DLG2: variants seen among roughly 807,000 people sequenced by gnomAD.
The protein encoded by DLG2 is discs large MAGUK scaffold protein 2.
Under a neutral mutation model 132.5 loss-of-function variants are expected in DLG2, and 45 were observed. That is an observed-to-expected ratio of 0.34 (90% confidence interval 0.27 to 0.44). The LOEUF is 0.44. Among genes scored for constraint, DLG2 ranks in the 20% least tolerant of loss-of-function variants. DLG2 has a pLI of 1.00. For synonymous variants in DLG2, 424 were observed against 419.6 expected (o/e 1.01, Z -0.13); for missense variants, 1,045 against 1,196.9 (o/e 0.87, Z 1.87).
chr11:85,408,600 T>C (rs1003313731), intron 3 of DLG2, among the ~76,000 whole-genome samples: 2 of 138,494 alleles, frequency 1.4e-5, no homozygotes, highest in Admixed American at 8.2e-5. Context: ...CCTGTGTCCA[T>C]GTGTTCTCAT....
intron 9 of DLG2, among the ~76,000 whole-genome samples, chr11:84,121,411 T>G (rs1337179991): frequency 6.6e-6 from 1 of 152,196 alleles, no homozygotes. Context: ...ACTTAAGCAA[T>G]GGGTCCACAT....
intron 4 of DLG2, among the ~76,000 whole-genome samples, chr11:85,238,941 C>T (rs2075739484): frequency 6.6e-6 from 1 of 151,908 alleles, no homozygotes; most frequent in Non-Finnish European, 1.5e-5. Flanking sequence ...AACAACTCAA[C>T]TTTTCTTTAT....
intron 10 of DLG2, among the ~76,000 whole-genome samples, chr11:84,086,411 A>G (rs1159104950): frequency 1.3e-5 from 2 of 152,078 alleles, no homozygotes; most frequent in African/African-American, 4.8e-5. Flanking sequence ...GTGTTTTTTT[A>G]GTACAGTCAC....
intron 10 of DLG2, among the ~76,000 whole-genome samples, chr11:84,092,906 G>A (rs1462209578): frequency 5.3e-5 from 8 of 151,742 alleles, no homozygotes; most frequent in Non-Finnish European, 1.0e-4. Flanking sequence ...TGTGGTGGCG[G>A]GCACCTGCAG....
intron 21 of DLG2, among the ~76,000 whole-genome samples, chr11:83,499,877 ATATATATATATATATATATAT>A (rs1434378266): frequency 4.9e-5 from 6 of 121,762 alleles, no homozygotes; most frequent in Non-Finnish European, 6.8e-5. Flanking sequence ...ATATATATAT[ATATATATATATATATATATAT>A]CAGTTCTGTC....
chr11:83,910,998 C>A (rs886918642), intron 15 of DLG2, among the ~76,000 whole-genome samples: 1 of 152,118 alleles, frequency 6.6e-6, no homozygotes, highest in African/African-American at 2.4e-5. Flanking sequence ...ACAAAGTAAT[C>A]TTTAATTGAG....
chr11:84,370,442 G>A (rs138230152), intron 7 of DLG2, among the ~76,000 whole-genome samples: 2 of 152,286 alleles, frequency 1.3e-5, no homozygotes, highest in African/African-American at 4.8e-5. Context: ...GGGTCAGACA[G>A]ATAGGTAGAC....
At chr11:85,074,804 C>G (rs537654051) in intron 6 of DLG2, among the ~76,000 whole-genome samples, 84 of 151,952 alleles carry the variant, frequency 5.5e-4, no homozygotes, top group South Asian at 3.3e-3. Context: ...CTATCCCCAG[C>G]CCTAGTACAT....
At chr11:84,657,618 C>G (rs2099689767) in intron 6 of DLG2, among the ~76,000 whole-genome samples, 1 of 152,148 alleles carries the variant, frequency 6.6e-6, no homozygotes, top group African/African-American at 2.4e-5. Flanking sequence ...CTAGATCCCT[C>G]ACATGCACAG....
Position 83,897,475 on chromosome 11 carries a change from A to G in DLG2, c.1497-22987T>C, listed in dbSNP as rs570830790. Reference sequence around the variant, plus strand: ...TACCAGGACCCAAATTGTGTATTCTATAAAAACTCTGATATTTTAAATGTT... The same window carrying G: ...TACCAGGACCCAAATTGTGTATTCTGTAAAAACTCTGATATTTTAAATGTT... On this transcript the variant is annotated intron_variant, in intron 15 of 27. Coordinates refer to ENST00000376104, the MANE Select transcript of DLG2 (RefSeq NM_001142699.3). Among the ~76,000 whole-genome samples, 27 of 152,354 alleles carry G rather than the reference A, an allele frequency of 1.8e-4. No individual in the cohort carries two copies. The South Asian group carries it at 5.6e-3, about 32-fold the overall frequency.
intron 6 of DLG2, among the ~76,000 whole-genome samples, chr11:84,998,437 C>G (rs2057891911): frequency 6.6e-6 from 1 of 152,162 alleles, no homozygotes. Context: ...CCAAGACATG[C>G]AGAACTGTGA....
At chr11:85,352,373 C>T (rs533211081) in intron 3 of DLG2, among the ~76,000 whole-genome samples, 83 of 152,178 alleles carry the variant, frequency 5.5e-4, no homozygotes, top group African/African-American at 1.8e-3. Context: ...CCTGGATTCA[C>T]TGATTTTTTG....
chr11:84,592,053 C>T (rs928855404), intron 6 of DLG2, among the ~76,000 whole-genome samples: 1 of 152,062 alleles, frequency 6.6e-6, no homozygotes, highest in Non-Finnish European at 1.5e-5. Context: ...GGGTTCTTGC[C>T]ATGTTGCCCA....
chr11:84,412,141 G>A (rs1268962565), intron 7 of DLG2, among the ~76,000 whole-genome samples: 1 of 151,902 alleles, frequency 6.6e-6, no homozygotes, highest in Non-Finnish European at 1.5e-5. Flanking sequence ...CAATAGTGAT[G>A]GTGATGATGA....
chr11:84,581,427 A>C (rs2099516037), intron 6 of DLG2, among the ~76,000 whole-genome samples: 2 of 152,178 alleles, frequency 1.3e-5, no homozygotes, highest in Admixed American at 1.3e-4. Context: ...ACAGATGTTC[A>C]TTTTCCCTAA....
At chr11:84,474,007 TTATG>T (rs1301221952) in intron 7 of DLG2, among the ~76,000 whole-genome samples, 1 of 152,012 alleles carries the variant, frequency 6.6e-6, no homozygotes, top group East Asian at 1.9e-4. Flanking sequence ...ATTCTCCTAT[TTATG>T]TCATCCTGCC....
intron 6 of DLG2, among the ~76,000 whole-genome samples, chr11:84,602,417 A>G (rs944631440): frequency 6.6e-6 from 1 of 152,024 alleles, no homozygotes; most frequent in African/African-American, 2.4e-5. Flanking sequence ...TTAAATAATG[A>G]AAACTTTGTG....
chr11:85,223,855 A>C (rs556247720), intron 4 of DLG2, among the ~76,000 whole-genome samples: 1 of 152,264 alleles, frequency 6.6e-6, no homozygotes, highest in East Asian at 1.9e-4. Flanking sequence ...CATTCTAAGT[A>C]AAATGTGTGC....
intron 7 of DLG2, among the ~76,000 whole-genome samples, chr11:84,454,389 G>T (rs192924625): frequency 6.6e-6 from 1 of 151,390 alleles, no homozygotes; most frequent in Non-Finnish European, 1.5e-5. Flanking sequence ...TAGAACAATC[G>T]CTTTGGGAAT....
Sources: gnomAD v4.1 joint callset for allele counts (sites outside exome capture counted in the v4.1 genomes callset) on GRCh38, gnomAD v4.1.1 for gene constraint, MANE v1.5 for transcripts, NCBI Gene and HGNC (gene_info 2026-07-23, HGNC 2026-07-21) for gene names.